The following PHF24 variants were observed in gnomAD, a reference collection of about 807,000 sequenced individuals.
The protein encoded by PHF24 is PHD finger protein 24, also known as Galpha inhibitory interacting protein.
In PHF24, 25 loss-of-function variants were observed where a neutral mutation model predicts 42.6. The ratio of observed to expected loss-of-function variants is 0.59; its 90% confidence interval spans 0.43 to 0.82. The LOEUF is 0.82. Among genes scored for constraint, PHF24 ranks in the 40% least tolerant of loss-of-function variants. The pLI is 0.00. For synonymous variants in PHF24, 185 were observed against 204.8 expected (o/e 0.90, Z 0.83); for missense variants, 470 against 538.1 (o/e 0.87, Z 1.25).
the PHF24 span, among the ~76,000 whole-genome samples, chr9:34,771,662 A>G: frequency 2.6e-5 from 4 of 152,210 alleles, no homozygotes; most frequent in Non-Finnish European, 4.4e-5. Context: ...ATATGTGTAG[A>G]TGTGTGTAAC....
At chr9:34,881,714 A>G in the PHF24 span, among the ~76,000 whole-genome samples, 40 of 152,318 alleles carry the variant, frequency 2.6e-4, no homozygotes, top group African/African-American at 8.7e-4. Context: ...TTGAGGCAAT[A>G]ATTAATAGCC....
the PHF24 span, among the ~76,000 whole-genome samples, chr9:34,857,499 C>T: frequency 2.0e-5 from 3 of 152,148 alleles, no homozygotes; most frequent in Non-Finnish European, 2.9e-5. Flanking sequence ...AGCATGGTTT[C>T]CCAGGCAGGG....
chr9:34,936,875 GCCGCC>G, the PHF24 span, among the ~76,000 whole-genome samples: 1 of 149,544 alleles, frequency 6.7e-6, no homozygotes, highest in Non-Finnish European at 1.5e-5. Flanking sequence ...CCGCCCGGCA[GCCGCC>G]CCGTCTGAGA....
the PHF24 span, among the ~76,000 whole-genome samples, chr9:34,871,704 A>G: frequency 6.6e-6 from 1 of 152,154 alleles, no homozygotes; most frequent in Non-Finnish European, 1.5e-5. Context: ...AAGATCAGTT[A>G]TATTTCTGTG....
the PHF24 span, among the ~76,000 whole-genome samples, chr9:34,798,720 G>T: frequency 1.2e-3 from 184 of 152,198 alleles, 1 homozygote; most frequent in Non-Finnish European, 1.5e-3. Context: ...TTTTTCTATG[G>T]GTATATACCC....
the PHF24 span, among the ~76,000 whole-genome samples, chr9:34,668,122 C>G: frequency 1.3e-5 from 2 of 152,212 alleles, no homozygotes; most frequent in Non-Finnish European, 2.9e-5. Flanking sequence ...TTGTTGGTAT[C>G]TCCCAGAGCT....
chr9:34,858,282 A>C, the PHF24 span, among the ~76,000 whole-genome samples: 5 of 152,192 alleles, frequency 3.3e-5, no homozygotes, highest in Admixed American at 2.6e-4. Context: ...TGTCTGAGAA[A>C]GCCCTTCATC....
At chr9:34,668,158 T>G in the PHF24 span, among the ~76,000 whole-genome samples, 4 of 152,214 alleles carry the variant, frequency 2.6e-5, no homozygotes, top group Admixed American at 6.5e-5. Flanking sequence ...GCTTTAGGGC[T>G]TAAGATGGGA....
At chr9:34,892,809 C>G in the PHF24 span, 1 of 666,240 alleles carries the variant, frequency 1.5e-6, no homozygotes, top group East Asian at 2.7e-5. Flanking sequence ...AAGTGATCAG[C>G]CCAGGAATCT....
At chr9:34,696,677 G>T in the PHF24 span, among the ~76,000 whole-genome samples, 1 of 152,106 alleles carries the variant, frequency 6.6e-6, no homozygotes, top group Non-Finnish European at 1.5e-5. Flanking sequence ...GAAGGCATAG[G>T]ACTCTGAAAC....
chr9:34,833,006 C>T, the PHF24 span: 1 of 1,551,640 alleles, frequency 6.4e-7, no homozygotes, highest in East Asian at 2.4e-5. Context: ...GCTACGGCTC[C>T]ATCGCCAGGA....
chr9:34,852,863 T>C, the PHF24 span, among the ~76,000 whole-genome samples: 1 of 152,218 alleles, frequency 6.6e-6, no homozygotes, highest in Non-Finnish European at 1.5e-5. Flanking sequence ...TTGGCTCAAT[T>C]GATCCTTTTG....
the PHF24 span, among the ~76,000 whole-genome samples, chr9:34,732,961 T>G: frequency 2.0e-5 from 3 of 152,246 alleles, no homozygotes; most frequent in African/African-American, 7.2e-5. Context: ...TAAAGTTTTT[T>G]TGTTCTACCA....
At chr9:34,692,505 C>T in the PHF24 span, among the ~76,000 whole-genome samples, 4 of 152,152 alleles carry the variant, frequency 2.6e-5, no homozygotes, top group Non-Finnish European at 5.9e-5. Context: ...CTCCACTCCA[C>T]ACCGCCTGTC....
At chr9:34,867,972 A>G in the PHF24 span, among the ~76,000 whole-genome samples, 1 of 152,194 alleles carries the variant, frequency 6.6e-6, no homozygotes, top group East Asian at 1.9e-4. Flanking sequence ...GACACAACAT[A>G]AATGCAGGGG....
the PHF24 span, among the ~76,000 whole-genome samples, chr9:34,830,033 G>A: frequency 6.6e-6 from 1 of 152,170 alleles, no homozygotes; most frequent in Non-Finnish European, 1.5e-5. Context: ...AGAATCATCA[G>A]TACATTAACA....
At chr9:34,796,325 T>C in the PHF24 span, among the ~76,000 whole-genome samples, 10 of 151,634 alleles carry the variant, frequency 6.6e-5, no homozygotes, top group African/African-American at 2.4e-4. Flanking sequence ...AGAAAATAAT[T>C]CTTAGACATG....
At chr9:34,711,249 CT>C in the PHF24 span, among the ~76,000 whole-genome samples, 1,453 of 141,682 alleles carry the variant, frequency 0.01, 14 homozygotes, top group African/African-American at 0.021. Context: ...TAGCTTTTAT[CT>C]TTTTTTTTTT....
At chr9:34,669,958 G>C in the PHF24 span, among the ~76,000 whole-genome samples, 1 of 152,126 alleles carries the variant, frequency 6.6e-6, no homozygotes, top group Non-Finnish European at 1.5e-5. Context: ...GGAAGGGGGC[G>C]CTGGAGATTG....
Sources: allele counts gnomAD v4.1 joint callset (sites outside exome capture counted in the v4.1 genomes callset), GRCh38; gene constraint gnomAD v4.1.1; transcripts MANE v1.5; gene names NCBI Gene and HGNC (gene_info 2026-07-23, HGNC 2026-07-21).